Variants in SLMAP observed in about 807,000 individuals in gnomAD.
SLMAP encodes sarcolemma associated protein.
Under a neutral mutation model 128.8 loss-of-function variants are expected in SLMAP, and 44 were observed. The ratio of observed to expected loss-of-function variants is 0.34; its 90% CI spans 0.27 to 0.44. The LOEUF (loss-of-function observed/expected upper bound fraction) is 0.44. Ranked by LOEUF, SLMAP falls within the 20% of genes least tolerant of loss-of-function variation. The probability of loss-of-function intolerance (pLI) is 1.00; values close to 1 mark genes in which losing one functional copy is unlikely to be tolerated. For synonymous variants in SLMAP, 327 were observed against 348.8 expected (o/e 0.94, Z 0.70); for missense variants, 787 against 985.3 (o/e 0.80, Z 2.69).
At chr3:57,842,711 A>G (rs2093997709) in intron 4 of SLMAP, among the ~76,000 whole-genome samples, 2 of 152,118 alleles carry the variant, frequency 1.3e-5, no homozygotes, top group African/African-American at 2.4e-5. Context: ...GTGTTTCTCT[A>G]ATTCTTTTCA....
At chr3:57,802,790 T>C (rs1336974127) in intron 2 of SLMAP, among the ~76,000 whole-genome samples, 1 of 152,238 alleles carries the variant, frequency 6.6e-6, no homozygotes, top group Non-Finnish European at 1.5e-5. Context: ...CAGTTTTGGA[T>C]TATTATGAAC....
chr3:57,859,564 G>A (rs577569023), intron 8 of SLMAP, among the ~76,000 whole-genome samples: 4 of 151,864 alleles, frequency 2.6e-5, no homozygotes, highest in South Asian at 2.1e-4. Flanking sequence ...CTAAAAAAAC[G>A]AAAAAAGGAA....
At chr3:57,859,135 C>G (rs910926796) in intron 8 of SLMAP, among the ~76,000 whole-genome samples, 1 of 151,938 alleles carries the variant, frequency 6.6e-6, no homozygotes, top group African/African-American at 2.4e-5. Context: ...ACCAGCGTGG[C>G]CAACATGGCG....
intron 2 of SLMAP, among the ~76,000 whole-genome samples, chr3:57,771,637 C>T (rs533885708): frequency 6.6e-6 from 1 of 152,144 alleles, no homozygotes; most frequent in Non-Finnish European, 1.5e-5. Flanking sequence ...ATGATCCCCC[C>T]ACCTTGGCCT....
At chr3:57,878,440 G>C (rs1004657865) in intron 14 of SLMAP, among the ~76,000 whole-genome samples, 7 of 151,904 alleles carry the variant, frequency 4.6e-5, no homozygotes, top group African/African-American at 1.7e-4. Context: ...TTTTCTCTTG[G>C]TGATCTTTTA....
intron 2 of SLMAP, among the ~76,000 whole-genome samples, chr3:57,793,999 T>C (rs1053303784): frequency 2.6e-5 from 4 of 152,060 alleles, no homozygotes; most frequent in Non-Finnish European, 5.9e-5. Flanking sequence ...CTCAAGAGGT[T>C]AGGACTGCCG....
chr3:57,861,220 A>T (rs1054111704), intron 9 of SLMAP, among the ~76,000 whole-genome samples: 15 of 152,094 alleles, frequency 9.9e-5, no homozygotes, highest in Non-Finnish European at 7.4e-5. Flanking sequence ...GTTCTTTTTT[A>T]ATTCACTCTG....
chr3:57,785,742 CT>C (rs2083959529), intron 2 of SLMAP, among the ~76,000 whole-genome samples: 1 of 152,188 alleles, frequency 6.6e-6, no homozygotes, highest in Non-Finnish European at 1.5e-5. Flanking sequence ...TTATTGAGGT[CT>C]TTGGTAAATA....
chr3:57,769,258 T>C (rs1395045743), intron 2 of SLMAP, among the ~76,000 whole-genome samples: 1 of 152,090 alleles, frequency 6.6e-6, no homozygotes, highest in Non-Finnish European at 1.5e-5. Context: ...AGTGGCGCGA[T>C]CTTGGCTCAC....
At position 57,904,377 on chromosome 3, in the gene SLMAP, T is replaced by C. The variant is rs115684660; in HGVS notation, c.1502-3507T>C. Among the ~76,000 whole-genome samples, 221 of 152,042 alleles carry C rather than the reference T, an allele frequency of 1.5e-3. 1 individual carries two copies. Among genetic ancestry groups the C allele is most frequent in the African/African-American group, 4.7e-3 (194 of 41,480 alleles). On this transcript the variant is annotated intron_variant, in intron 17 of 24. Coordinates refer to ENST00000671191, the MANE Select transcript of SLMAP (RefSeq NM_001377540.1). ...AGGTAGAGCCTGCAGTGAGTAGACA[T>C]TGTGACACTGCGCTCCAGCCTGGCC... is the stretch of plus-strand genomic sequence containing the variant.
At chr3:57,775,173 G>GT in intron 2 of SLMAP, among the ~76,000 whole-genome samples, 1 of 151,238 alleles carries the variant, frequency 6.6e-6, no homozygotes, top group Middle Eastern at 3.4e-3. Context: ...TCCTGCCTCA[G>GT]CCCCCGAGTA....
chr3:57,778,557 CT>C (rs1202069685), intron 2 of SLMAP, among the ~76,000 whole-genome samples: 1 of 138,362 alleles, frequency 7.2e-6, no homozygotes, highest in Non-Finnish European at 1.6e-5. Context: ...TCTAGTTTCT[CT>C]TTTCTTTCTT....
intron 2 of SLMAP, among the ~76,000 whole-genome samples, chr3:57,815,134 C>T (rs1279370793): frequency 1.3e-5 from 2 of 152,158 alleles, no homozygotes; most frequent in African/African-American, 4.8e-5. Flanking sequence ...GATCATCAGG[C>T]ATTAGTTAGA....
intron 15 of SLMAP, among the ~76,000 whole-genome samples, chr3:57,892,041 A>G (rs527757986): frequency 5.3e-5 from 8 of 152,322 alleles, no homozygotes; most frequent in African/African-American, 1.9e-4. Flanking sequence ...ATATTCTTTA[A>G]GAATAATACA....
chr3:57,771,642 T>G (rs1347392070), intron 2 of SLMAP, among the ~76,000 whole-genome samples: 3 of 152,164 alleles, frequency 2.0e-5, no homozygotes, highest in African/African-American at 7.2e-5. Flanking sequence ...CCCCCCACCT[T>G]GGCCTCCCAG....
chr3:57,779,984 A>G (rs1039750044), intron 2 of SLMAP, among the ~76,000 whole-genome samples: 3 of 151,836 alleles, frequency 2.0e-5, no homozygotes, highest in Non-Finnish European at 4.4e-5. Context: ...ATTTATTTTT[A>G]TATTTAACTT....
intron 14 of SLMAP, among the ~76,000 whole-genome samples, chr3:57,883,851 A>C (rs968354720): frequency 6.6e-6 from 1 of 152,098 alleles, no homozygotes; most frequent in East Asian, 1.9e-4. Flanking sequence ...GCAGGAATGC[A>C]TGGTTGCTAA....
chr3:57,911,117 T>C (rs1210836217), intron 19 of SLMAP, among the ~76,000 whole-genome samples: 2 of 152,100 alleles, frequency 1.3e-5, no homozygotes, highest in East Asian at 3.9e-4. Context: ...GTAGGGGCAA[T>C]TTTTCCTAAA....
chr3:57,854,621 G>A (rs1211639793), intron 6 of SLMAP, among the ~76,000 whole-genome samples: 2 of 152,044 alleles, frequency 1.3e-5, no homozygotes, highest in African/African-American at 2.4e-5. Flanking sequence ...AAATGTATAC[G>A]TTTATATAAA....
Sources: allele counts gnomAD v4.1 joint callset (sites outside exome capture counted in the v4.1 genomes callset), GRCh38; gene constraint gnomAD v4.1.1; transcripts MANE v1.5; gene names NCBI Gene and HGNC (gene_info 2026-07-23, HGNC 2026-07-21).